The following SLC35F3 variants were observed in gnomAD, a reference collection of about 807,000 sequenced individuals.
SLC35F3 encodes the protein putative thiamine transporter SLC35F3.
In SLC35F3, 25 loss-of-function variants were observed where a neutral mutation model predicts 49.9. That is an observed-to-expected ratio of 0.50 (90% CI 0.37 to 0.70). The LOEUF is 0.70. Ranked by LOEUF, SLC35F3 falls within the 30% of genes least tolerant of loss-of-function variation. SLC35F3 has a pLI of 0.00. For missense variants in SLC35F3, 525 were observed against 639.8 expected (o/e 0.82, Z 1.94); for synonymous variants, 275 against 265.4 (o/e 1.04, Z -0.35).
chr1:234,140,446 A>G (rs1665894955), intron 2 of SLC35F3, among the ~76,000 whole-genome samples: 1 of 152,168 alleles, frequency 6.6e-6, no homozygotes, highest in African/African-American at 2.4e-5. Flanking sequence ...ATTAAACTTT[A>G]TTATAGGTAA....
At position 234,309,160 on chromosome 1, in the gene SLC35F3, C is replaced by T. The variant is rs987376178; in HGVS notation, c.668C>T (p.Ala223Val). The T allele has an allele frequency of 4.3e-6, 7 of 1,614,056 alleles. No individual in the cohort carries two copies. Among genetic ancestry groups the T allele is most frequent in the Non-Finnish European group, 5.9e-6 (7 of 1,180,036 alleles). Residue 223 changes from alanine to valine, a missense_variant, in exon 4 of 8, where the codon GCA (alanine) becomes GTA (valine). This residue lies in a region of SLC35F3 where 216 missense variants were observed against 298.1 expected (regional missense o/e 0.72). Transcript: ENST00000366618. ...ACTTTGAAGGTGTTTTTTACCAAGGCAGCACCCTTTGGTGTTCTTTGGACA... is the reference window on the plus strand; with the variant it reads ...ACTTTGAAGGTGTTTTTTACCAAGGTAGCACCCTTTGGTGTTCTTTGGACA... Reference protein sequence around the residue: ...GLTLKVFFTKAAPFGVLWTLT... With the variant: ...GLTLKVFFTKVAPFGVLWTLT...
intron 2 of SLC35F3, among the ~76,000 whole-genome samples, chr1:234,079,980 TAAAA>T (rs1214636177): frequency 1.3e-5 from 2 of 152,110 alleles, no homozygotes; most frequent in Non-Finnish European, 2.9e-5. Flanking sequence ...TTGTTATTCT[TAAAA>T]AACCCCTTTC....
rs141178901 is a variant in SLC35F3 at position 234,059,923 on chromosome 1, A to C, written c.283+154165A>C. The stretch of plus-strand genomic sequence containing the variant: ...TATGTTTGCTGATTAGATGGTGCCC[A>C]CTGAATTAAGGGTGGGTCTGCCTTC... On this transcript the variant is annotated intron_variant, in intron 2 of 7. Transcript: ENST00000366618. Among the ~76,000 whole-genome samples, 549 of 152,296 alleles carry C rather than the reference A, an allele frequency of 3.6e-3. 8 individuals carry two copies. The highest frequency in any genetic ancestry group is 3.5e-3 in the Non-Finnish European group (237 of 68,022).
At chr1:234,089,831 T>C (rs2102876670) in intron 2 of SLC35F3, among the ~76,000 whole-genome samples, 1 of 151,802 alleles carries the variant, frequency 6.6e-6, no homozygotes, top group South Asian at 2.1e-4. Context: ...AGAAGTGGCA[T>C]AGAGTATGGA....
chr1:233,947,321 C>G (rs564413726), intron 2 of SLC35F3, among the ~76,000 whole-genome samples: 5 of 152,032 alleles, frequency 3.3e-5, no homozygotes, highest in African/African-American at 1.2e-4. Flanking sequence ...TGTCCATACT[C>G]CCTGAAACAG....
intron 2 of SLC35F3, among the ~76,000 whole-genome samples, chr1:234,222,989 T>A (rs1667231759): frequency 6.6e-6 from 1 of 152,198 alleles, no homozygotes; most frequent in African/African-American, 2.4e-5. Context: ...GGATTAAAAC[T>A]GATGCCCTCA....
intron 2 of SLC35F3, among the ~76,000 whole-genome samples, chr1:233,983,190 A>C (rs199523810): frequency 1.5e-5 from 2 of 137,036 alleles, no homozygotes; most frequent in South Asian, 2.4e-4. Flanking sequence ...CTCCCTCTCT[A>C]TCTCTCAACA....
intron 2 of SLC35F3, among the ~76,000 whole-genome samples, chr1:234,050,279 C>T (rs1186208309): frequency 6.6e-6 from 1 of 152,212 alleles, no homozygotes; most frequent in Non-Finnish European, 1.5e-5. Context: ...TCCTTTTTCT[C>T]CACATCCTCT....
At chr1:234,244,354 G>T (rs967666275) in intron 3 of SLC35F3, among the ~76,000 whole-genome samples, 1 of 152,172 alleles carries the variant, frequency 6.6e-6, no homozygotes, top group Admixed American at 6.5e-5. Context: ...ACAGTGCCCG[G>T]TGGGGTGCTG....
chr1:234,108,300 T>C (rs1274608666), intron 2 of SLC35F3, among the ~76,000 whole-genome samples: 1 of 123,866 alleles, frequency 8.1e-6, no homozygotes, highest in Non-Finnish European at 1.6e-5. Flanking sequence ...TATAAAGATA[T>C]ATATTTATAT....
intron 3 of SLC35F3, among the ~76,000 whole-genome samples, chr1:234,296,558 T>G (rs908624034): frequency 2.0e-5 from 3 of 152,246 alleles, no homozygotes; most frequent in African/African-American, 7.2e-5. Context: ...AAATGGAGGC[T>G]GTCAGTCATC....
chr1:234,079,274 C>T (rs528492443), intron 2 of SLC35F3, among the ~76,000 whole-genome samples: 16 of 152,108 alleles, frequency 1.1e-4, no homozygotes, highest in Middle Eastern at 6.8e-3. Context: ...TTTTTTTATA[C>T]GGTGTGAGAT....
intron 2 of SLC35F3, among the ~76,000 whole-genome samples, chr1:234,049,716 C>T (rs1664346913): frequency 6.6e-6 from 1 of 152,094 alleles, no homozygotes; most frequent in African/African-American, 2.4e-5. Flanking sequence ...TATACATGTG[C>T]CATGTTGGTG....
intron 2 of SLC35F3, among the ~76,000 whole-genome samples, chr1:233,948,094 C>A (rs528876590): frequency 6.7e-6 from 1 of 150,060 alleles, no homozygotes; most frequent in Non-Finnish European, 1.5e-5. Flanking sequence ...CTATGATAGA[C>A]TTGCTTGCAC....
At chr1:234,164,472 C>A (rs7355121) in intron 2 of SLC35F3, among the ~76,000 whole-genome samples, 8,825 of 151,950 alleles carry the variant, frequency 0.058, 804 homozygotes, top group African/African-American at 0.19. Flanking sequence ...TCCACATACC[C>A]CAGGCTTGTG....
chr1:234,252,791 C>G (rs1327357425), intron 3 of SLC35F3, among the ~76,000 whole-genome samples: 2 of 152,094 alleles, frequency 1.3e-5, no homozygotes, highest in African/African-American at 4.8e-5. Context: ...ACTGATAAAC[C>G]TTATGTGGAG....
chr1:234,209,786 A>G (rs1371707357), intron 2 of SLC35F3, among the ~76,000 whole-genome samples: 2 of 152,074 alleles, frequency 1.3e-5, no homozygotes, highest in Non-Finnish European at 2.9e-5. Context: ...GTTAACAGAC[A>G]TGAGGAGGTG....
chr1:234,268,380 T>G (rs1668038760), intron 3 of SLC35F3, among the ~76,000 whole-genome samples: 1 of 151,486 alleles, frequency 6.6e-6, no homozygotes. Flanking sequence ...GCAGGGAGGT[T>G]GCAGTGAGCC....
intron 2 of SLC35F3, among the ~76,000 whole-genome samples, chr1:234,230,407 A>G (rs1209031062): frequency 6.6e-6 from 1 of 152,220 alleles, no homozygotes; most frequent in African/African-American, 2.4e-5. Context: ...CCTCCCCTAG[A>G]GTGAAAATGG....
Sources: gnomAD v4.1 joint callset for allele counts (sites outside exome capture counted in the v4.1 genomes callset) on GRCh38, gnomAD v4.1.1 for gene constraint, gnomAD v4.1.1 regional missense constraint, MANE v1.5 for transcripts, NCBI Gene and HGNC (gene_info 2026-07-23, HGNC 2026-07-21) for gene names.